CFAP161: variants seen among roughly 807,000 people sequenced by gnomAD.
CFAP161 encodes cilia- and flagella-associated protein 161.
In CFAP161, 25 loss-of-function variants were observed where a neutral mutation model predicts 29.0. That is an observed-to-expected ratio of 0.86 (90% CI 0.63 to 1.20). The LOEUF (loss-of-function observed/expected upper bound fraction) is 1.20, where lower values mean the gene tolerates loss of function less well. CFAP161 is among the 50% of genes most tolerant of loss of function. The pLI is 0.00. For missense variants in CFAP161, 367 were observed against 371.9 expected (o/e 0.99, Z 0.11); for synonymous variants, 116 against 137.4 (o/e 0.84, Z 1.09).
rs371319193 is a variant in CFAP161, at chr15:81,136,555, G to A, written c.199G>A (p.Gly67Ser). The change falls in exon 3 of 7, where the codon GGT (glycine) becomes AGT (serine). Residue 67 changes from glycine to serine, a missense_variant. Gly to Ser is a moderately conservative substitution (Grantham distance 56). Coordinates refer to ENST00000286732, the MANE Select transcript of CFAP161 (RefSeq NM_173528.4). ...AACTGAAGATGGCTATATTCATTACGGTGACAAAGTGATGCTTGTGAATCC... is the reference window on the plus strand; with the variant it reads ...AACTGAAGATGGCTATATTCATTACAGTGACAAAGTGATGCTTGTGAATCC... Reference protein sequence around the residue: ...SVTEDGYIHYGDKVMLVNPDD... With the variant: ...SVTEDGYIHYSDKVMLVNPDD... The A allele has an allele frequency of 1.2e-5, 20 of 1,614,146 alleles. No individual in the cohort carries two copies. Among genetic ancestry groups the A allele is most frequent in the Admixed American group, 5.0e-5 (3 of 60,016 alleles).
chr15:81,136,778 T>G (rs1257606044), intron 3 of CFAP161, 30 bp downstream of exon 3: 2 of 1,556,472 alleles, frequency 1.3e-6, no homozygotes, highest in East Asian at 4.5e-5. Context: ...CAGTTCATTT[T>G]CATCATAAAT....
At chr15:81,130,107 C>T (rs574332024), upstream of CFAP161, among the ~76,000 whole-genome samples, 1 of 152,298 alleles carries the variant, frequency 6.6e-6, no homozygotes, top group Admixed American at 6.5e-5. Flanking sequence ...TTTCCTTAAA[C>T]CTTCTCTCAG....
At chr15:81,114,171 G>A (rs569967932) in intron 1 of CFAP161, among the ~76,000 whole-genome samples, 1 of 152,234 alleles carries the variant, frequency 6.6e-6, no homozygotes, top group Non-Finnish European at 1.5e-5. Context: ...AGATAACGTG[G>A]GTTTGTTTCC....
chr15:81,147,487 A>G (rs555050406), intron 5 of CFAP161, among the ~76,000 whole-genome samples: 2 of 152,264 alleles, frequency 1.3e-5, no homozygotes, highest in African/African-American at 2.4e-5. Flanking sequence ...ATGTACTTAC[A>G]CAAACCCAGA....
At chr15:81,133,306 G>GT (rs1472543811), upstream of CFAP161, among the ~76,000 whole-genome samples, 2 of 148,860 alleles carry the variant, frequency 1.3e-5, no homozygotes, top group Non-Finnish European at 3.0e-5. Flanking sequence ...TGATCCTCCT[G>GT]CCTCGGCTTC....
chr15:81,143,555 T>G, intron 4 of CFAP161, 107 bp from the exon 5 acceptor site: 1 of 1,265,638 alleles, frequency 7.9e-7, no homozygotes, highest in Non-Finnish European at 1.1e-6. Flanking sequence ...ACAGAGTTTT[T>G]GAGAACTGCT....
intron 1 of CFAP161, chr15:81,118,298 T>G (rs1487814674): frequency 4.0e-6 from 2 of 498,904 alleles, no homozygotes; most frequent in African/African-American, 4.0e-5. Context: ...CTCTCAATTT[T>G]CCAGTCATTT....
upstream of CFAP161, among the ~76,000 whole-genome samples, chr15:81,133,856 G>C (rs2683254): frequency 0.66 from 100,475 of 151,928 alleles, 34,835 homozygotes; most frequent in Non-Finnish European, 0.78. Flanking sequence ...TTCCAAATGT[G>C]TACATTGAGC....
chr15:81,148,401 G>A lies in CFAP161; in HGVS notation c.774G>A (p.Glu258=). 1.9e-6 allele frequency: 3 copies of A among 1,614,204 alleles called. No homozygotes were observed. The highest frequency in any genetic ancestry group is 1.7e-5 in the Admixed American group (1 of 60,026). Residue 258 remains glutamate (E), a synonymous_variant, in exon 7 of 7, where the codon GAG becomes GAA. Coordinates refer to ENST00000286732, the MANE Select transcript of CFAP161 (RefSeq NM_173528.4). ...AHTYLDSHRV[E]KPRNHWMLVT... ...CATACCTGGATTCACATAGAGTTGA[G>A]AAACCAAGGAACCACTGGATGTTGG...
upstream of CFAP161, among the ~76,000 whole-genome samples, chr15:81,133,208 TA>T (rs1567156340): frequency 0.058 from 3,747 of 64,558 alleles, 250 homozygotes; most frequent in Non-Finnish European, 0.071. Context: ...TATATATATA[TA>T]TATATATATA....
chr15:81,124,578 G>A (rs1020639497), intron 1 of CFAP161, among the ~76,000 whole-genome samples: 7 of 152,122 alleles, frequency 4.6e-5, no homozygotes, highest in East Asian at 3.9e-4. Flanking sequence ...AATAGTTTCC[G>A]TAGAAATGGT....
intron 1 of CFAP161, among the ~76,000 whole-genome samples, chr15:81,109,450 C>G (rs1388774908): frequency 6.6e-6 from 1 of 152,142 alleles, no homozygotes; most frequent in African/African-American, 2.4e-5. Flanking sequence ...GTTTTGGCAC[C>G]CATCAAGTAG....
chr15:81,118,090 T>C, intron 1 of CFAP161: 2 of 532,436 alleles, frequency 3.8e-6, no homozygotes, highest in Non-Finnish European at 6.9e-6. Context: ...GGTGCTGATA[T>C]CTTTCAGTTT....
intron 1 of CFAP161, among the ~76,000 whole-genome samples, chr15:81,106,180 G>C (rs991683115): frequency 4.6e-5 from 7 of 152,118 alleles, no homozygotes; most frequent in Admixed American, 3.3e-4. Flanking sequence ...GGAGAAGAAG[G>C]GTCTTGAGAA....
At chr15:81,109,632 A>G (rs1894416734) in intron 1 of CFAP161, among the ~76,000 whole-genome samples, 1 of 152,170 alleles carries the variant, frequency 6.6e-6, no homozygotes, top group African/African-American at 2.4e-5. Flanking sequence ...GGAGTCCAGG[A>G]GTTTGAGGCT....
intron 4 of CFAP161, among the ~76,000 whole-genome samples, chr15:81,142,816 T>C (rs1360247482): frequency 6.6e-6 from 1 of 152,164 alleles, no homozygotes; most frequent in Non-Finnish European, 1.5e-5. Context: ...CATTTTGGAC[T>C]TTTCAGCAGG....
In CFAP161 at chr15:81,120,601, C is replaced by CCA. The variant is rs545440851; in HGVS notation, c.-141-6976_-141-6975dup. 5.3e-4 allele frequency among the ~76,000 whole-genome samples: 80 copies of CCA among 151,860 alleles called. 1 individual carries two copies. The highest frequency in any genetic ancestry group is 1.1e-3 in the Admixed American group (17 of 15,236). ...CTGACAACATAGTGAGACCTCGTCT[C>CCA]CACACACACACACAAGTTACAGTAG... On this transcript the variant is annotated intron_variant, in intron 1 of 4. Transcript: ENST00000560091.
intron 1 of CFAP161, among the ~76,000 whole-genome samples, chr15:81,106,964 G>T (rs1894380562): frequency 6.6e-6 from 1 of 152,152 alleles, no homozygotes; most frequent in Non-Finnish European, 1.5e-5. Context: ...TTCTCAGGAG[G>T]CTGAGGTGGG....
At chr15:81,121,597 A>C (rs2141869221) in intron 1 of CFAP161, among the ~76,000 whole-genome samples, 1 of 152,256 alleles carries the variant, frequency 6.6e-6, no homozygotes, top group East Asian at 1.9e-4. Flanking sequence ...GCAACCTTAA[A>C]TTTTTAGCAA....
Sources: gnomAD v4.1 joint callset for allele counts (sites outside exome capture counted in the v4.1 genomes callset) on GRCh38, gnomAD v4.1.1 for gene constraint, MANE v1.5 for transcripts, NCBI Gene and HGNC (gene_info 2026-07-23, HGNC 2026-07-21) for gene names.